The following TNNI3K variants were observed in gnomAD, a reference collection of about 807,000 sequenced individuals.
The protein encoded by TNNI3K is serine/threonine-protein kinase TNNI3K.
Under a neutral mutation model 114.5 loss-of-function variants are expected in TNNI3K, and 140 were observed. The observed-to-expected ratio is 1.22, with a 90% confidence interval of 1.07 to 1.41. The LOEUF (loss-of-function observed/expected upper bound fraction) is 1.41, where lower values mean the gene tolerates loss of function less well. Ranked by LOEUF, TNNI3K falls within the 40% of genes most tolerant of loss-of-function variation. The pLI is 0.00. For missense variants in TNNI3K, 1,125 were observed against 1,007.6 expected (o/e 1.12, Z -1.58); for synonymous variants, 347 against 347.5 (o/e 1.00, Z 0.02).
At chr1:74,530,148 A>G (rs1398733968) in intron 23 of TNNI3K, among the ~76,000 whole-genome samples, 1 of 152,088 alleles carries the variant, frequency 6.6e-6, no homozygotes, top group Non-Finnish European at 1.5e-5. Context: ...CTACGTTTCT[A>G]TTTACCCCAG....
At chr1:74,250,613 A>T (rs1160153910) in intron 3 of TNNI3K, 59 bp from the exon 4 acceptor site, 1 of 1,496,462 alleles carries the variant, frequency 6.7e-7, no homozygotes, top group Non-Finnish European at 9.1e-7. Context: ...GGTCAAAAAG[A>T]GTCTCAAACT....
intron 10 of TNNI3K, 26 bp downstream of exon 10, chr1:74,353,386 A>G (rs376742754): frequency 2.5e-6 from 4 of 1,608,852 alleles, no homozygotes; most frequent in Non-Finnish European, 3.4e-6. Flanking sequence ...AAACACCACT[A>G]GTTCTATATG....
Position 74,304,502 on chromosome 1 carries a change from G to T in TNNI3K, c.445-26948G>T, listed in dbSNP as rs117297233. The stretch of plus-strand genomic sequence containing the variant: ...CTGTCACCCAGGCTGGAGTGCAGTG[G>T]CACAATCATGGCTCACCGTAATCTT... On this transcript the variant is annotated intron_variant, in intron 5 of 24. Transcript: ENST00000326637. 3.2e-4 allele frequency among the ~76,000 whole-genome samples: 49 copies of T among 152,270 alleles called. No individual in the cohort carries two copies. In the East Asian group the frequency reaches 7.1e-3, roughly 22 times the overall value.
intron 23 of TNNI3K, among the ~76,000 whole-genome samples, chr1:74,504,962 A>G (rs999239074): frequency 6.6e-6 from 1 of 152,216 alleles, no homozygotes; most frequent in African/African-American, 2.4e-5. Context: ...AAACTGCTAA[A>G]TAAATGGTGA....
intron 23 of TNNI3K, among the ~76,000 whole-genome samples, chr1:74,528,198 GA>G (rs1286180368): frequency 6.6e-6 from 1 of 152,180 alleles, no homozygotes; most frequent in Non-Finnish European, 1.5e-5. Context: ...ATGGGCACAG[GA>G]AAGTGCCTGG....
intron 24 of TNNI3K, among the ~76,000 whole-genome samples, chr1:74,540,676 G>A (rs568506163): frequency 6.6e-6 from 1 of 151,672 alleles, no homozygotes; most frequent in East Asian, 1.9e-4. Context: ...TAAGTCCGTT[G>A]CTTCTAAGCC....
rs72964173 is a variant in TNNI3K at position 74,282,751 on chromosome 1, C to A, written c.444+11043C>A. ...TTTCTGTCTCTCTCTTTCTCTGAAT[C>A]TGTTATGTAGCCTGATGTTGTTTTT... On this transcript the variant is annotated intron_variant, in intron 5 of 24. Transcript: ENST00000326637. Among the ~76,000 whole-genome samples, 686 of 152,210 alleles carry A rather than the reference C, an allele frequency of 4.5e-3. 4 individuals are homozygous for A. The highest frequency in any genetic ancestry group is 0.016 in the African/African-American group (646 of 41,518).
At chr1:74,512,112 T>C (rs970437009) in intron 23 of TNNI3K, among the ~76,000 whole-genome samples, 3 of 152,212 alleles carry the variant, frequency 2.0e-5, no homozygotes, top group African/African-American at 7.2e-5. Flanking sequence ...TGGATGGGAC[T>C]GGATATAGCA....
intron 5 of TNNI3K, among the ~76,000 whole-genome samples, chr1:74,308,402 C>G (rs1413669294): frequency 6.6e-6 from 1 of 152,068 alleles, no homozygotes; most frequent in Non-Finnish European, 1.5e-5. Flanking sequence ...AAAACTTACT[C>G]CTGAATGACT....
At chr1:74,422,015 C>T (rs1665424562) in intron 17 of TNNI3K, among the ~76,000 whole-genome samples, 1 of 150,264 alleles carries the variant, frequency 6.7e-6, no homozygotes, top group South Asian at 2.1e-4. Context: ...TTTTTCAGCA[C>T]AATTACTTCT....
intron 20 of TNNI3K, among the ~76,000 whole-genome samples, chr1:74,451,683 TTTTCTTTC>T (rs1158598409): frequency 0.021 from 1,546 of 75,206 alleles, 55 homozygotes; most frequent in Non-Finnish European, 0.029. Flanking sequence ...TTTTCTTTTC[TTTTCTTTC>T]TTTCTTTCTT....
At chr1:74,511,510 C>T (rs1670223617) in intron 23 of TNNI3K, among the ~76,000 whole-genome samples, 1 of 152,126 alleles carries the variant, frequency 6.6e-6, no homozygotes, top group African/African-American at 2.4e-5. Context: ...ATGTATGTGT[C>T]ATTTTCCCTA....
At chr1:74,266,321 T>C (rs1655985246) in intron 4 of TNNI3K, among the ~76,000 whole-genome samples, 2 of 151,978 alleles carry the variant, frequency 1.3e-5, no homozygotes, top group South Asian at 4.1e-4. Context: ...TGCATTTTCT[T>C]ATACCATGGC....
At chr1:74,346,681 G>C (rs1661014059) in intron 9 of TNNI3K, among the ~76,000 whole-genome samples, 1 of 149,250 alleles carries the variant, frequency 6.7e-6, no homozygotes, top group Non-Finnish European at 1.5e-5. Flanking sequence ...GGCATAATCA[G>C]GGCTGCATTT....
At chr1:74,471,937 T>C (rs1446639739) in intron 21 of TNNI3K, 2 of 522,918 alleles carry the variant, frequency 3.8e-6, no homozygotes, top group Admixed American at 7.2e-5. Context: ...ATACCTAGGT[T>C]TGCTCTGTTT....
intron 20 of TNNI3K, among the ~76,000 whole-genome samples, chr1:74,461,343 G>T (rs1470126755): frequency 6.6e-6 from 1 of 152,074 alleles, no homozygotes; most frequent in African/African-American, 2.4e-5. Context: ...AGCTGGGGGT[G>T]GTGGCATGTG....
intron 5 of TNNI3K, among the ~76,000 whole-genome samples, chr1:74,298,494 T>C (rs2100312765): frequency 6.6e-6 from 1 of 152,282 alleles, no homozygotes; most frequent in South Asian, 2.1e-4. Flanking sequence ...GATATAAAAA[T>C]TACACTGATC....
At chr1:74,246,879 G>C (rs150619139) in intron 2 of TNNI3K, among the ~76,000 whole-genome samples, 2 of 152,264 alleles carry the variant, frequency 1.3e-5, no homozygotes, top group East Asian at 3.9e-4. Flanking sequence ...ATCCTTGAAA[G>C]CCTCATTCTT....
intron 17 of TNNI3K, among the ~76,000 whole-genome samples, chr1:74,429,933 T>A (rs182301719): frequency 4.3e-4 from 65 of 152,192 alleles, no homozygotes; most frequent in African/African-American, 1.5e-3. Flanking sequence ...AGCCTGCACT[T>A]CTGGGGGCTG....
Sources: allele counts gnomAD v4.1 joint callset (sites outside exome capture counted in the v4.1 genomes callset), GRCh38; gene constraint gnomAD v4.1.1; transcripts MANE v1.5; gene names NCBI Gene and HGNC (gene_info 2026-07-23, HGNC 2026-07-21).